The following PKD1L1 variants were observed in gnomAD, a reference collection of about 807,000 sequenced individuals.
The protein encoded by PKD1L1 is polycystin-1-like protein 1.
In PKD1L1, 236 loss-of-function variants were observed where a neutral mutation model predicts 323.4. That is an observed-to-expected ratio of 0.73 (90% CI 0.66 to 0.81). PKD1L1 has a LOEUF of 0.81. PKD1L1 is among the 40% of genes least tolerant of loss of function. The pLI, the probability that PKD1L1 is intolerant of heterozygous loss-of-function variation, is 0.00. For synonymous variants in PKD1L1, 1,344 were observed against 1,335.0 expected (o/e 1.01, Z -0.15); for missense variants, 3,320 against 3,508.0 (o/e 0.95, Z 1.35).
Position 47,855,875 on chromosome 7 carries a change from CAAAAAAA to C in PKD1L1, c.4591-617_4591-611del, listed in dbSNP as rs536157879. On this transcript the variant is annotated intron_variant, in intron 28 of 56. Coordinates refer to ENST00000289672, the MANE Select transcript of PKD1L1 (RefSeq NM_138295.5). Reference sequence around the variant, plus strand: ...TGGGCGACAGAGCGAGACTCCGTCTCAAAAAAAAAAAAAAAAAAAAAAAAAGAAAAGT... The same window carrying C: ...TGGGCGACAGAGCGAGACTCCGTCTCAAAAAAAAAAAAAAAAAAGAAAAGT... Among the ~76,000 whole-genome samples, 116 of 32,534 alleles carry C rather than the reference CAAAAAAA, an allele frequency of 3.6e-3. 3 individuals carry two copies. The highest frequency in any genetic ancestry group is 5.5e-3 in the Admixed American group (12 of 2,200). The allele number at this position is 32,534 out of a possible 152,430, so 21.3% of individuals were successfully genotyped here.
At position 47,946,037 on chromosome 7, in the gene PKD1L1, G is replaced by A. The variant is rs1312469285; in HGVS notation, c.44+2360C>T. ...TCAAATAAAAAAAATGGAAGGGGGA[G>A]ATAATTTAAATACAAGGGAGGCTCT... On this transcript the variant is annotated intron_variant, in intron 1 of 56. Coordinates refer to ENST00000289672, the MANE Select transcript of PKD1L1 (RefSeq NM_138295.5). The surrounding 1 kb of genome is among the most constrained non-coding windows in gnomAD (Gnocchi z 4.1). 6.6e-6 allele frequency among the ~76,000 whole-genome samples: 1 copy of A among 152,144 alleles called. No individual in the cohort carries two copies. Among genetic ancestry groups the A allele is most frequent in the Non-Finnish European group, 1.5e-5 (1 of 68,032 alleles).
At chr7:47,898,345 C>T in intron 13 of PKD1L1, 151 bp from the exon 14 acceptor site, 5 of 611,860 alleles carry the variant, frequency 8.2e-6, no homozygotes, top group Non-Finnish European at 1.4e-5. Context: ...CTTTAGACAA[C>T]ACCAGAATAA....
chr7:47,959,247 G>A, the PKD1L1 span, among the ~76,000 whole-genome samples: 3,658 of 151,364 alleles, frequency 0.024, 47 homozygotes, highest in Non-Finnish European at 0.034. Context: ...CCGCCACCCC[G>A]TCTGGGAAGT....
Position 47,843,176 on chromosome 7 carries a change from AC to A in PKD1L1, c.5238-8del, listed in dbSNP as rs777325514. ...AAGCAAGTTTTCTGGGTGGCTATAA[AC>A]AAAAGGAGAGATATAAAGAAAATTG... On this transcript the variant is annotated splice_region_variant and splice_polypyrimidine_tract_variant and intron_variant, in intron 33 of 56. Coordinates refer to ENST00000289672, the MANE Select transcript of PKD1L1 (RefSeq NM_138295.5). 2 of 1,596,600 alleles carry A rather than the reference AC, an allele frequency of 1.3e-6. No homozygotes were observed. The highest frequency in any genetic ancestry group is 1.7e-6 in the Non-Finnish European group (2 of 1,169,280).
At chr7:47,888,659 C>T (rs1485191472) in intron 16 of PKD1L1, among the ~76,000 whole-genome samples, 1 of 152,252 alleles carries the variant, frequency 6.6e-6, no homozygotes, top group African/African-American at 2.4e-5. Context: ...AAGATGTCTC[C>T]ACTGCCTCGG....
chr7:47,775,641 G>A (rs932377603), intron 56 of PKD1L1, among the ~76,000 whole-genome samples: 2 of 151,892 alleles, frequency 1.3e-5, no homozygotes, highest in African/African-American at 2.4e-5. Context: ...GCAATACTCC[G>A]AGAGAAATCT....
Position 47,840,373 on chromosome 7 carries a change from A to G in PKD1L1, c.5552+88T>C. 2 of 882,306 alleles carry G rather than the reference A, an allele frequency of 2.3e-6. No homozygotes were observed. Among genetic ancestry groups the G allele is most frequent in the Non-Finnish European group, 3.7e-6 (2 of 540,406 alleles). The allele number at this position is 882,306 out of a possible 1,614,324, so 54.7% of individuals were successfully genotyped here. ...TCACTATTAGAGACCAATGTTATGT[A>G]TTCTACTGTTTTGTATTTGTGATAA... On this transcript the variant is annotated intron_variant, in intron 35 of 56. Transcript: ENST00000289672. The surrounding 1 kb of genome is among the most constrained non-coding windows in gnomAD (Gnocchi z 4.1).
chr7:47,798,948 A>T (rs1784602360), intron 54 of PKD1L1, among the ~76,000 whole-genome samples: 2 of 152,216 alleles, frequency 1.3e-5, no homozygotes, highest in African/African-American at 4.8e-5. Context: ...AGATGCTGTT[A>T]AGAGAATAAA....
At chr7:47,821,207 T>G in intron 45 of PKD1L1, 21 bp from the exon 46 acceptor site, 1 of 1,498,724 alleles carries the variant, frequency 6.7e-7, no homozygotes, top group Non-Finnish European at 9.3e-7. Flanking sequence ...AGTTTTTAAG[T>G]TAGCATCCAT....
In PKD1L1 at chr7:47,796,161, G is replaced by T; in HGVS notation, c.8194-11C>A. ...GAGAAAACCTCTCAGCTAGGAAAAA[G>T]AAAAAAATAAAGACAAATTTCATGT... On this transcript the variant is annotated splice_polypyrimidine_tract_variant and intron_variant, in intron 54 of 56. Transcript: ENST00000289672. The T allele has an allele frequency of 6.4e-7, 1 of 1,565,234 alleles. No homozygotes were observed. Among genetic ancestry groups the T allele is most frequent in the South Asian group, 1.2e-5 (1 of 84,176 alleles).
rs1786976591 is a variant in PKD1L1 at position 47,792,668 on chromosome 7, C to G, written c.8485G>C (p.Glu2829Gln). Residue 2829 changes from glutamate to glutamine, a missense_variant, in exon 56 of 57, where the codon GAG (glutamate) becomes CAG (glutamine). By Grantham distance (29) the Glu-to-Gln change is conservative. Coordinates refer to ENST00000289672, the MANE Select transcript of PKD1L1 (RefSeq NM_138295.5). ...CTAGAAATGTCCACTAAGGGACTCT[C>G]TTCTGTCCTTGCCTCCCCTGTGTTG... ...SNNTGEARTEESPLVDISSYQ... is the reference protein window; with the variant it reads ...SNNTGEARTEQSPLVDISSYQ... The G allele has an allele frequency of 1.2e-6, 2 of 1,614,038 alleles. No individual in the cohort carries two copies. Among genetic ancestry groups the G allele is most frequent in the African/African-American group, 2.7e-5 (2 of 74,944 alleles).
chr7:47,903,828 C>G (rs1036789274), intron 12 of PKD1L1, among the ~76,000 whole-genome samples: 1 of 152,146 alleles, frequency 6.6e-6, no homozygotes, highest in Non-Finnish European at 1.5e-5. Flanking sequence ...AATGAGTGAT[C>G]CAGCCAGTCT....
intron 24 of PKD1L1, among the ~76,000 whole-genome samples, chr7:47,871,829 G>T (rs1358960330): frequency 6.6e-6 from 1 of 152,122 alleles, no homozygotes; most frequent in Non-Finnish European, 1.5e-5. Context: ...ATATGAAGTG[G>T]TGAAAGACTG....
intron 52 of PKD1L1, among the ~76,000 whole-genome samples, chr7:47,804,235 C>T (rs1321045971): frequency 6.6e-6 from 1 of 152,140 alleles, no homozygotes; most frequent in East Asian, 1.9e-4. Flanking sequence ...GCAGGCAGGG[C>T]CGCACATGGT....
rs376364135 is a variant in PKD1L1, at chr7:47,935,416, T to C, written c.398+1430A>G. 4.5e-4 allele frequency among the ~76,000 whole-genome samples: 68 copies of C among 152,100 alleles called. 2 individuals are homozygous for C. In the East Asian group the frequency reaches 9.7e-3, roughly 22 times the overall value. Reference sequence around the variant, plus strand: ...GGGGACAGACAGACAAATCCGGCCATAAAAGGTAGGCATATTGTTAGCAAA... The same window carrying C: ...GGGGACAGACAGACAAATCCGGCCACAAAAGGTAGGCATATTGTTAGCAAA... On this transcript the variant is annotated intron_variant, in intron 4 of 56. Transcript: ENST00000289672.
At chr7:47,826,172 C>T (rs1156246326) in intron 45 of PKD1L1, among the ~76,000 whole-genome samples, 1 of 152,124 alleles carries the variant, frequency 6.6e-6, no homozygotes, top group Non-Finnish European at 1.5e-5. Context: ...ACATCAGGTA[C>T]CCCATCCTTC....
At chr7:47,957,464 AC>A in the PKD1L1 span, 1 of 152,236 alleles carries the variant, frequency 6.6e-6, no homozygotes, top group Non-Finnish European at 1.5e-5. Context: ...GAACTAAAAA[AC>A]ATTCAGTAAA....
chr7:47,914,877 C>T (rs1209707763), intron 8 of PKD1L1, among the ~76,000 whole-genome samples: 1 of 152,150 alleles, frequency 6.6e-6, no homozygotes, highest in Non-Finnish European at 1.5e-5. Context: ...AGCCCACACT[C>T]ACCATACAGG....
At chr7:47,940,407 T>C in intron 2 of PKD1L1, 90 bp from the exon 3 acceptor site, 2 of 1,440,570 alleles carry the variant, frequency 1.4e-6, no homozygotes, top group Non-Finnish European at 1.9e-6. Flanking sequence ...AAGTTATACA[T>C]AAGGTCAAAG....
Sources: gnomAD v4.1 joint callset for allele counts (sites outside exome capture counted in the v4.1 genomes callset) on GRCh38, gnomAD v4.1.1 for gene constraint, Gnocchi (gnomAD v3.1) non-coding constraint, MANE v1.5 for transcripts, NCBI Gene and HGNC (gene_info 2026-07-23, HGNC 2026-07-21) for gene names.